The following SZT2 variants were observed in gnomAD, a reference collection of about 807,000 sequenced individuals.
SZT2 encodes the protein KICSTOR complex protein SZT2.
A neutral mutation model predicts 404.2 loss-of-function variants in SZT2; 216 were observed. The observed-to-expected ratio is 0.53, with a 90% CI of 0.48 to 0.60. The LOEUF is 0.60. Among genes scored for constraint, SZT2 ranks in the 20% least tolerant of loss-of-function variants. The pLI, the probability that SZT2 is intolerant of heterozygous loss-of-function variation, is 0.00. For synonymous variants in SZT2, 1,693 were observed against 1,749.9 expected, an observed-to-expected ratio of 0.97 and a Z score of 0.81; for missense variants, 3,857 against 4,459.2, an observed-to-expected ratio of 0.86 and a Z score of 3.85.
intron 1 of SZT2, among the ~76,000 whole-genome samples, chr1:43,402,271 G>A (rs1200366203): frequency 6.6e-6 from 1 of 152,168 alleles, no homozygotes; most frequent in African/African-American, 2.4e-5. Flanking sequence ...GCATTAATCA[G>A]GAAGAGACAT....
chr1:43,435,600 C>A, intron 42 of SZT2: 1 of 341,608 alleles, frequency 2.9e-6, no homozygotes, highest in South Asian at 5.1e-5. Flanking sequence ...ATAGGTGGGG[C>A]AGAGAATAAC....
rs878855008 is a variant in SZT2, at chr1:43,430,491, A to G, written c.4481-5A>G. 5.6e-6 allele frequency: 9 copies of G among 1,613,590 alleles called. No homozygotes were observed. The Admixed American group carries it at 1.3e-4, about 24-fold the overall frequency. Reference sequence around the variant, plus strand: ...TCTCATTGACCATGTGACATGCACTACTAGGAGACACATCTGCCTGCTGTG... The same window carrying G: ...TCTCATTGACCATGTGACATGCACTGCTAGGAGACACATCTGCCTGCTGTG... On this transcript the variant is annotated splice_polypyrimidine_tract_variant and splice_region_variant and intron_variant, in intron 31 of 71. Transcript: ENST00000634258.
Position 43,439,204 on chromosome 1 carries a change from G to A in SZT2, c.6792+111G>A, listed in dbSNP as rs2153935342. 1 of 1,554,972 alleles carries A rather than the reference G, an allele frequency of 6.4e-7. No individual in the cohort carries two copies. The stretch of plus-strand genomic sequence containing the variant: ...TATGTACCTTTGCCCATGGACCTGG[G>A]TACACCCATGCCCCCCCGGGGACCA... On this transcript the variant is annotated intron_variant, in intron 48 of 71. Coordinates refer to ENST00000634258, the MANE Select transcript of SZT2 (RefSeq NM_001365999.1). The surrounding 1 kb of genome is among the most constrained non-coding windows in gnomAD (Gnocchi z 4.2).
rs375793150 is a variant in SZT2 at position 43,439,747 on chromosome 1, G to A, written c.7020G>A (p.Pro2340=). ...FEQLTQVIRC[P]VVVDSSSAQN... is the part of the protein sequence containing the mutation. ...AACTGACCCAGGTCATCCGCTGCCCGGTTGTTGTGGACAGTTCTTCAGGTG... is the reference window on the plus strand; with the variant it reads ...AACTGACCCAGGTCATCCGCTGCCCAGTTGTTGTGGACAGTTCTTCAGGTG... Residue 2340 remains proline (P), a synonymous_variant, in exon 50 of 72, where the codon CCG becomes CCA. Coordinates refer to ENST00000634258, the MANE Select transcript of SZT2 (RefSeq NM_001365999.1). The surrounding 1 kb of genome is among the most constrained non-coding windows in gnomAD (Gnocchi z 4.2). 16 of 1,601,122 alleles carry A rather than the reference G, an allele frequency of 1.0e-5. No individual in the cohort carries two copies. Among genetic ancestry groups the A allele is most frequent in the Admixed American group, 5.1e-5 (3 of 58,764 alleles).
intron 42 of SZT2, chr1:43,435,821 C>G (rs976924937): frequency 5.2e-5 from 8 of 153,128 alleles, no homozygotes; most frequent in African/African-American, 1.9e-4. Flanking sequence ...ATCTGTCTTC[C>G]TAAGAGTCTG....
At position 43,420,303 on chromosome 1, in the gene SZT2, G is replaced by T. The variant is rs757989403; in HGVS notation, c.1241G>T (p.Arg414Leu). 2.5e-5 allele frequency: 40 copies of T among 1,594,880 alleles called. 1 individual carries two copies. The South Asian group carries it at 4.0e-4, about 16-fold the overall frequency. The change falls in exon 9 of 72, where the codon CGA becomes CTA. Residue 414 changes from arginine to leucine, a missense_variant. Coordinates refer to ENST00000634258, the MANE Select transcript of SZT2 (RefSeq NM_001365999.1). This position sits in a 1 kb window ranked among gnomAD's most constrained non-coding sequence, Gnocchi z 5.1. ...SVRLREGYSVREVTLAKGGSQ... is the reference protein window; with the variant it reads ...SVRLREGYSVLEVTLAKGGSQ... ...CGGCTTCGAGAGGGCTACAGTGTCC[G>T]AGAGGTCACACTGGCCAAAGGTAAG...
intron 36 of SZT2, 109 bp from the exon 37 acceptor site, chr1:43,432,163 C>T: frequency 8.0e-7 from 1 of 1,247,350 alleles, no homozygotes; most frequent in Non-Finnish European, 1.1e-6. Flanking sequence ...GTGGGGATGC[C>T]AGCATCTGCT....
chr1:43,438,740 C>T lies in SZT2; in HGVS notation c.6550C>T (p.Arg2184Cys). The T allele has an allele frequency of 8.1e-6, 13 of 1,614,088 alleles. No individual in the cohort carries two copies. The highest frequency in any genetic ancestry group is 1.1e-5 in the South Asian group (1 of 91,086). The change falls in exon 47 of 72, where the codon CGC becomes TGC. Residue 2184 changes from arginine to cysteine, a missense_variant. Physicochemically the swap from Arg to Cys is radical, Grantham distance 180. This residue lies in a region of SZT2 where 261 missense variants were observed against 372.9 expected (regional missense o/e 0.70). Transcript: ENST00000634258. ...TGAGCTCGTGCGAGTTCTATGTCGG[C>T]GCCTGGATGAGGCCACGCTGGACGT... is the stretch of plus-strand genomic sequence containing the variant. ...TDELVRVLCRRLDEATLDVIT... is the reference protein window; with the variant it reads ...TDELVRVLCRCLDEATLDVIT...
At chr1:43,444,999 T>A (rs1386030201) in intron 62 of SZT2, among the ~76,000 whole-genome samples, 1 of 152,148 alleles carries the variant, frequency 6.6e-6, no homozygotes, top group Non-Finnish European at 1.5e-5. Flanking sequence ...AGAGAAGGCG[T>A]GCCTGCCCCT....
rs923558031 is a variant in SZT2, at chr1:43,443,862, C to A, written c.8825+66C>A. The A allele has an allele frequency of 7.5e-6, 12 of 1,590,780 alleles. No homozygotes were observed. In the African/African-American group the frequency reaches 1.6e-4, roughly 21 times the overall value. ...CACTGCAAGTGAGGCCCCACAGGCC[C>A]TTCCTCTCTTTACAAGGTCCTATGT... On this transcript the variant is annotated intron_variant, in intron 62 of 71. Coordinates refer to ENST00000634258, the MANE Select transcript of SZT2 (RefSeq NM_001365999.1).
chr1:43,448,166 A>G lies in SZT2; in HGVS notation c.9651A>G (p.Arg3217=), dbSNP rs1377499773. ...ADMRRFRKPP[R]LPPEPEAPGS... ...TGCGCCGCTTCCGGAAGCCACCCAG[A>G]CTGCCCCCTGAGCCAGAGGCTCCTG... Residue 3217 remains arginine, a synonymous_variant, in exon 69 of 72, where the codon AGA becomes AGG. Coordinates refer to ENST00000634258, the MANE Select transcript of SZT2 (RefSeq NM_001365999.1). This position sits in a 1 kb window ranked among gnomAD's most constrained non-coding sequence, Gnocchi z 4.2. 2 of 1,611,616 alleles carry G rather than the reference A, an allele frequency of 1.2e-6. No homozygotes were observed. Among genetic ancestry groups the G allele is most frequent in the Admixed American group, 1.7e-5 (1 of 59,930 alleles).
intron 3 of SZT2, chr1:43,404,172 G>T (rs144230544): frequency 2.5e-5 from 14 of 565,786 alleles, no homozygotes; most frequent in Non-Finnish European, 4.0e-5. Flanking sequence ...AGGCCACTGC[G>T]CTCTAGCGTG....
chr1:43,419,968 G>T, intron 8 of SZT2, 24 bp downstream of exon 8: 1 of 1,597,510 alleles, frequency 6.3e-7, no homozygotes, highest in Non-Finnish European at 8.5e-7. Flanking sequence ...TGAGGTGGGT[G>T]TGGGAAGGAG....
At chr1:43,422,038 G>T in intron 11 of SZT2, 45 bp from the exon 12 acceptor site, 2 of 1,554,330 alleles carry the variant, frequency 1.3e-6, no homozygotes, top group Non-Finnish European at 1.7e-6. Flanking sequence ...TTTGTACCCT[G>T]GTCCTCTGCA....
At chr1:43,446,086 T>C in intron 63 of SZT2, 93 bp from the exon 64 acceptor site, 1 of 1,586,750 alleles carries the variant, frequency 6.3e-7, no homozygotes, top group Non-Finnish European at 8.7e-7. Context: ...GATCCCAGAC[T>C]GACACCATTA....
rs116996089 is a variant in SZT2, at chr1:43,433,883, C to T, written c.5805-503C>T. Among the ~76,000 whole-genome samples, 210 of 152,362 alleles carry T rather than the reference C, an allele frequency of 1.4e-3. No homozygotes were observed. The East Asian group carries it at 0.026, about 19-fold the overall frequency. On this transcript the variant is annotated intron_variant, in intron 40 of 71. Coordinates refer to ENST00000634258, the MANE Select transcript of SZT2 (RefSeq NM_001365999.1). The stretch of plus-strand genomic sequence containing the variant: ...CCACTCATTTATCTACATAACCCTA[C>T]GGCGTATTAATGTCCTTATCATATG...
At position 43,442,880 on chromosome 1, in the gene SZT2, C is replaced by T. The variant is rs1401968790; in HGVS notation, c.8213C>T (p.Pro2738Leu). The stretch of plus-strand genomic sequence containing the variant: ...GAGACCCTCATCCGGAGTGCAAGTC[C>T]CCCGCTGAGCCGTGAGCAGGGCCGA... ...EVETLIRSAS[P>L]PLSREQGRLS... Residue 2738 changes from proline (P) to leucine (L), a missense_variant, in exon 59 of 72, where the codon CCC (proline) becomes CTC (leucine). Physicochemically the swap from Pro to Leu is moderately conservative, Grantham distance 98. Transcript: ENST00000634258. The surrounding 1 kb of genome is among the most constrained non-coding windows in gnomAD (Gnocchi z 4.5). 8 of 1,613,630 alleles carry T rather than the reference C, an allele frequency of 5.0e-6. No individual in the cohort carries two copies. Among genetic ancestry groups the T allele is most frequent in the African/African-American group, 1.3e-5 (1 of 74,904 alleles).
chr1:43,440,132 G>A, intron 51 of SZT2, 84 bp downstream of exon 51: 1 of 1,558,144 alleles, frequency 6.4e-7, no homozygotes, highest in Non-Finnish European at 8.7e-7. Context: ...TGCAAAGGTG[G>A]GGTTTAGGGG....
At position 43,426,485 on chromosome 1, in the gene SZT2, T is replaced by C. The variant is rs1319328346; in HGVS notation, c.3161T>C (p.Val1054Ala). Reference sequence around the variant, plus strand: ...GACCGGGAGATCCCACTGACCCCCGTTGACCAGGCTGCCTTCTTGAGTGAG... The same window carrying C: ...GACCGGGAGATCCCACTGACCCCCGCTGACCAGGCTGCCTTCTTGAGTGAG... ...LSDREIPLTP[V>A]DQAAFLSEVL... Residue 1054 changes from valine to alanine, a missense_variant, in exon 22 of 72, where the codon GTT becomes GCT. Transcript: ENST00000634258. This position sits in a 1 kb window ranked among gnomAD's most constrained non-coding sequence, Gnocchi z 4.9. 2 of 1,596,608 alleles carry C rather than the reference T, an allele frequency of 1.3e-6. No individual in the cohort carries two copies. The highest frequency in any genetic ancestry group is 1.3e-5 in the African/African-American group (1 of 74,978).
Sources: gnomAD v4.1 joint callset for allele counts (sites outside exome capture counted in the v4.1 genomes callset) on GRCh38, gnomAD v4.1.1 for gene constraint, gnomAD v4.1.1 regional missense constraint, Gnocchi (gnomAD v3.1) non-coding constraint, MANE v1.5 for transcripts, NCBI Gene and HGNC (gene_info 2026-07-23, HGNC 2026-07-21) for gene names.